The following GRK5 variants were observed in gnomAD, a reference collection of about 807,000 sequenced individuals.
GRK5 encodes G protein-coupled receptor kinase 5.
In GRK5, 40 loss-of-function variants were observed where a neutral mutation model predicts 78.4. The ratio of observed to expected loss-of-function variants is 0.51; its 90% CI spans 0.40 to 0.66. The LOEUF (loss-of-function observed/expected upper bound fraction) is 0.66. Among genes scored for constraint, GRK5 ranks in the 30% least tolerant of loss-of-function variants. GRK5 has a pLI of 0.00. For synonymous variants in GRK5, 289 were observed against 296.8 expected, an observed-to-expected ratio of 0.97 and a Z score of 0.27; for missense variants, 598 against 759.9, an observed-to-expected ratio of 0.79 and a Z score of 2.50.
At chr10:119,257,413 G>C (rs1012811666) in intron 1 of GRK5, among the ~76,000 whole-genome samples, 13 of 152,342 alleles carry the variant, frequency 8.5e-5, no homozygotes, top group African/African-American at 3.1e-4. Context: ...GTGGGAGGGA[G>C]TATGTCTATT....
At chr10:119,400,110 T>A (rs1056790821) in intron 4 of GRK5, among the ~76,000 whole-genome samples, 9 of 152,198 alleles carry the variant, frequency 5.9e-5, no homozygotes, top group Non-Finnish European at 1.2e-4. Context: ...CTCACCTGGG[T>A]GGTCTCTGAG....
chr10:119,280,491 T>C (rs1389914688), intron 1 of GRK5, among the ~76,000 whole-genome samples: 1 of 152,238 alleles, frequency 6.6e-6, no homozygotes, highest in Non-Finnish European at 1.5e-5. Context: ...TCTGGTCAGC[T>C]GTCATTCGTC....
chr10:119,349,145 G>T (rs972946306), intron 2 of GRK5, among the ~76,000 whole-genome samples: 1 of 152,224 alleles, frequency 6.6e-6, no homozygotes, highest in African/African-American at 2.4e-5. Flanking sequence ...CTCGTGGCCA[G>T]TGACCTGCTG....
intron 2 of GRK5, among the ~76,000 whole-genome samples, chr10:119,361,023 TG>T (rs1372540788): frequency 6.6e-6 from 1 of 152,158 alleles, no homozygotes; most frequent in Non-Finnish European, 1.5e-5. Flanking sequence ...CCTGGCTAGG[TG>T]GGCTCTGGCT....
chr10:119,295,086 A>C (rs1175624910), intron 1 of GRK5, among the ~76,000 whole-genome samples: 2 of 151,458 alleles, frequency 1.3e-5, no homozygotes, highest in Non-Finnish European at 2.9e-5. Flanking sequence ...GCTACTCAGG[A>C]GGCTGAGGCA....
chr10:119,281,607 T>G (rs1849764234), intron 1 of GRK5, among the ~76,000 whole-genome samples: 1 of 152,196 alleles, frequency 6.6e-6, no homozygotes, highest in African/African-American at 2.4e-5. Context: ...GGGAGGGATC[T>G]GGCCGACCTC....
intron 3 of GRK5, among the ~76,000 whole-genome samples, chr10:119,382,015 C>T (rs1335195890): frequency 6.6e-6 from 1 of 152,184 alleles, no homozygotes; most frequent in Non-Finnish European, 1.5e-5. Flanking sequence ...CTCCCAGGAC[C>T]CCAAAGCTAC....
chr10:119,349,089 A>G (rs1008533090), intron 2 of GRK5, among the ~76,000 whole-genome samples: 1 of 152,144 alleles, frequency 6.6e-6, no homozygotes, highest in African/African-American at 2.4e-5. Flanking sequence ...ATGAGCTCCC[A>G]GTGGGGAGAG....
At chr10:119,230,151 C>G (rs999878176) in intron 1 of GRK5, among the ~76,000 whole-genome samples, 4 of 152,060 alleles carry the variant, frequency 2.6e-5, no homozygotes, top group Non-Finnish European at 5.9e-5. Context: ...ATGGGGAGGT[C>G]TCTGAGTGTC....
At chr10:119,433,933 G>T (rs1043032823) in intron 8 of GRK5, among the ~76,000 whole-genome samples, 1 of 152,188 alleles carries the variant, frequency 6.6e-6, no homozygotes, top group Admixed American at 6.5e-5. Flanking sequence ...AAAGAGGTTT[G>T]ATGGACTTAT....
chr10:119,431,974 C>G lies in GRK5; in HGVS notation c.738+447C>G, dbSNP rs984570672. Among the ~76,000 whole-genome samples, 2 of 152,232 alleles carry G rather than the reference C, an allele frequency of 1.3e-5. No homozygotes were observed. The highest frequency in any genetic ancestry group is 2.9e-5 in the Non-Finnish European group (2 of 68,038). On this transcript the variant is annotated intron_variant, in intron 8 of 15. Coordinates refer to ENST00000392870, the MANE Select transcript of GRK5 (RefSeq NM_005308.3). The surrounding 1 kb of genome is among the most constrained non-coding windows in gnomAD (Gnocchi z 4.8). ...GTTAGTCAGTCTAGGCTGGGCCCTGCTGCAGTAACACATTTGCCCCAAACC... is the reference window on the plus strand; with the variant it reads ...GTTAGTCAGTCTAGGCTGGGCCCTGGTGCAGTAACACATTTGCCCCAAACC...
chr10:119,209,774 C>T (rs937987558), intron 1 of GRK5, among the ~76,000 whole-genome samples: 1 of 152,094 alleles, frequency 6.6e-6, no homozygotes, highest in African/African-American at 2.4e-5. Context: ...GTACTGGAGC[C>T]TTGCAAGTTT....
chr10:119,391,085 C>T (rs1172088978), intron 3 of GRK5, among the ~76,000 whole-genome samples: 2 of 152,240 alleles, frequency 1.3e-5, no homozygotes, highest in Non-Finnish European at 2.9e-5. Flanking sequence ...TGGAGTTGCT[C>T]CTACCACTTT....
At chr10:119,281,572 C>T (rs866954775) in intron 1 of GRK5, among the ~76,000 whole-genome samples, 49 of 152,188 alleles carry the variant, frequency 3.2e-4, no homozygotes, top group African/African-American at 1.2e-3. Context: ...TAATCAGCCT[C>T]TCCTGTGGTG....
chr10:119,229,507 A>G (rs140343177), intron 1 of GRK5, among the ~76,000 whole-genome samples: 3 of 152,312 alleles, frequency 2.0e-5, no homozygotes, highest in Non-Finnish European at 4.4e-5. Flanking sequence ...GTGCTTTAGC[A>G]TGTGCAAAAT....
At chr10:119,346,185 C>T (rs556196013) in intron 2 of GRK5, among the ~76,000 whole-genome samples, 2 of 152,310 alleles carry the variant, frequency 1.3e-5, no homozygotes, top group South Asian at 2.1e-4. Flanking sequence ...GTGTACAAAA[C>T]CAGTGAGCAA....
intron 4 of GRK5, among the ~76,000 whole-genome samples, chr10:119,401,219 T>C (rs1225424620): frequency 6.6e-6 from 1 of 152,172 alleles, no homozygotes; most frequent in African/African-American, 2.4e-5. Context: ...GAAGCCAGGA[T>C]AGAAAGCCCC....
Position 119,431,244 on chromosome 10 carries a change from C to A in GRK5, c.598-143C>A. 1.1e-6 allele frequency: 1 copy of A among 897,488 alleles called. No individual in the cohort carries two copies. The highest frequency in any genetic ancestry group is 1.6e-6 in the Non-Finnish European group (1 of 614,958). The allele number at this position is 897,488 out of a possible 1,614,324, so 55.6% of individuals were successfully genotyped here. A position where few individuals can be genotyped will look rare whatever the true frequency, so the allele number is the denominator to read the frequency against. On this transcript the variant is annotated intron_variant, in intron 7 of 15. Coordinates refer to ENST00000392870, the MANE Select transcript of GRK5 (RefSeq NM_005308.3). This position sits in a 1 kb window ranked among gnomAD's most constrained non-coding sequence, Gnocchi z 4.8. The stretch of plus-strand genomic sequence containing the variant: ...GCCAGGCATCACTGGGTCCTGGGAG[C>A]CTGGAGCACTCATGAAGCCAGGCAG...
chr10:119,393,172 G>T (rs1002205959), intron 3 of GRK5, among the ~76,000 whole-genome samples: 1 of 152,188 alleles, frequency 6.6e-6, no homozygotes, highest in Admixed American at 6.5e-5. Context: ...AAGCCCAGCT[G>T]GAGGCCTTCC....
Sources: allele counts gnomAD v4.1 joint callset (sites outside exome capture counted in the v4.1 genomes callset), GRCh38; gene constraint gnomAD v4.1.1; non-coding constraint Gnocchi (gnomAD v3.1); transcripts MANE v1.5; gene names NCBI Gene and HGNC (gene_info 2026-07-23, HGNC 2026-07-21).